MEI1: variants seen among roughly 807,000 people sequenced by gnomAD.
MEI1 encodes meiosis inhibitor protein 1.
In MEI1, 103 loss-of-function variants were observed where a neutral mutation model predicts 146.2. The ratio of observed to expected loss-of-function variants is 0.70; its 90% confidence interval spans 0.60 to 0.83. The LOEUF (loss-of-function observed/expected upper bound fraction) is 0.83, where lower values mean the gene tolerates loss of function less well. Ranked by LOEUF, MEI1 falls within the 40% of genes least tolerant of loss-of-function variation. The pLI is 0.00. For synonymous variants in MEI1, 652 were observed against 628.2 expected (o/e 1.04, Z -0.57); for missense variants, 1,529 against 1,533.0 (o/e 1.00, Z 0.04).
chr22:41,714,066 C>A lies in MEI1; in HGVS notation c.414C>A (p.Cys138Ter). 6.3e-7 allele frequency: 1 copy of A among 1,598,052 alleles called. No homozygotes were observed. The highest frequency in any genetic ancestry group is 8.5e-7 in the Non-Finnish European group (1 of 1,172,180). Residue 138 changes from cysteine (C) to a stop codon, truncating the protein, a stop_gained, in exon 4 of 31, where the codon TGC becomes TGA. Transcript: ENST00000401548. LOFTEE classifies it high-confidence loss of function. ...CTATCCGTTGCCTGCTGGATGAGTGCCACAAAGAGGTCAGAAAATAGCTAT... is the reference window on the plus strand; with the variant it reads ...CTATCCGTTGCCTGCTGGATGAGTGACACAAAGAGGTCAGAAAATAGCTAT... The part of the protein sequence containing the change: ...EQTIRCLLDE[C>*]HKELCNMPSM...
At position 41,729,527 on chromosome 22, in the gene MEI1, C is replaced by T. The variant is rs936629068; in HGVS notation, c.865-138C>T. The T allele has an allele frequency of 1.5e-5, 10 of 670,514 alleles. No individual in the cohort carries two copies. The South Asian group carries it at 1.7e-4, about 11-fold the overall frequency. The allele number at this position is 670,514 out of a possible 1,614,324, so 41.5% of individuals were successfully genotyped here. On this transcript the variant is annotated intron_variant, in intron 7 of 30. Coordinates refer to ENST00000401548, the MANE Select transcript of MEI1 (RefSeq NM_152513.4). The stretch of plus-strand genomic sequence containing the variant: ...CATAATCCATAACTGCTCTCCTGAC[C>T]ACCATCCTTGTGCCTGGTGCCATGT...
intron 13 of MEI1, 115 bp from the exon 14 acceptor site, chr22:41,745,768 TAG>T: frequency 1.0e-6 from 1 of 1,003,542 alleles, no homozygotes; most frequent in Non-Finnish European, 1.4e-6. Context: ...AGTCTGATAA[TAG>T]AGATACTTTC....
At chr22:41,729,834 C>G in intron 8 of MEI1, 55 bp downstream of exon 8, 1 of 1,190,264 alleles carries the variant, frequency 8.4e-7, no homozygotes, top group Non-Finnish European at 1.2e-6. Context: ...GGGGTGGTGA[C>G]AGGTTCAATT....
Position 41,699,558 on chromosome 22 carries a change from C to T in MEI1, c.20C>T (p.Ala7Val), listed in dbSNP as rs754116769. MAVRQA[A>V]TAGTPGPRRE... ...GAGGAGATGGCTGTGAGGCAGGCGG[C>T]GACGGCGGGCACTCCCGGGCCCAGG... The change falls in exon 1 of 31, where the codon GCG becomes GTG. Residue 7 changes from alanine (A) to valine (V), a missense_variant. Coordinates refer to ENST00000401548, the MANE Select transcript of MEI1 (RefSeq NM_152513.4). 3.1e-6 allele frequency: 5 copies of T among 1,611,476 alleles called. 1 individual carries two copies. In the South Asian group the frequency reaches 5.5e-5, roughly 18 times the overall value.
intron 18 of MEI1, chr22:41,759,332 A>G (rs762418225): frequency 6.6e-6 from 1 of 152,152 alleles, no homozygotes; most frequent in Non-Finnish European, 1.5e-5. Context: ...TGTCTCTACT[A>G]AAAATACAAA....
At chr22:41,796,870 C>T (rs999677652) in intron 30 of MEI1, among the ~76,000 whole-genome samples, 12 of 152,036 alleles carry the variant, frequency 7.9e-5, no homozygotes, top group Non-Finnish European at 2.9e-5. Flanking sequence ...TCGCTTGAAT[C>T]GGGGATGCGG....
intron 26 of MEI1, among the ~76,000 whole-genome samples, chr22:41,791,721 T>C (rs1248111944): frequency 6.6e-6 from 1 of 152,176 alleles, no homozygotes; most frequent in Non-Finnish European, 1.5e-5. Flanking sequence ...GCACTATTCA[T>C]AATGATGAAA....
Position 41,763,068 on chromosome 22 carries a change from A to T in MEI1, c.2121-106A>T, listed in dbSNP as rs713988. ...TAAGATGTCATTAGGCTGTGGGCAT[A>T]TTGGGGCAGGACAGTGGGCTGAGGA... On this transcript the variant is annotated intron_variant, in intron 18 of 30. Coordinates refer to ENST00000401548, the MANE Select transcript of MEI1 (RefSeq NM_152513.4). 658 of 1,261,118 alleles carry T rather than the reference A, an allele frequency of 5.2e-4. 1 individual carries two copies. Among genetic ancestry groups the T allele is most frequent in the Non-Finnish European group, 6.7e-4 (611 of 906,416 alleles). The allele number at this position is 1,261,118 out of a possible 1,614,324, so 78.1% of individuals were successfully genotyped here. A position where few individuals can be genotyped will look rare whatever the true frequency, so the allele number is the denominator to read the frequency against.
chr22:41,782,385 A>T (rs527945537), intron 24 of MEI1, among the ~76,000 whole-genome samples: 1 of 152,212 alleles, frequency 6.6e-6, no homozygotes, highest in Admixed American at 6.5e-5. Context: ...GTGGAATGCC[A>T]CACATGGTTA....
intron 27 of MEI1, 155 bp downstream of exon 27, chr22:41,794,065 T>C (rs946524897): frequency 4.2e-5 from 31 of 734,512 alleles, no homozygotes; most frequent in Non-Finnish European, 6.5e-5. Flanking sequence ...TCATGCCCAT[T>C]ATACAGATGG....
chr22:41,715,293 A>G (rs1175704388), intron 4 of MEI1, among the ~76,000 whole-genome samples: 2 of 152,172 alleles, frequency 1.3e-5, no homozygotes, highest in Non-Finnish European at 2.9e-5. Flanking sequence ...TCAATAGAAA[A>G]GGTAAAATAT....
chr22:41,781,583 T>G, intron 23 of MEI1, 102 bp from the exon 24 acceptor site: 2 of 1,258,124 alleles, frequency 1.6e-6, no homozygotes, highest in Non-Finnish European at 2.1e-6. Flanking sequence ...GATGATCCTC[T>G]GTTTGTTTGT....
rs545113121 is a variant in MEI1 at position 41,776,125 on chromosome 22, G to A, written c.2568G>A (p.Val856=). The part of the protein sequence containing the change: ...ILLDLIYSSP[V]DTAHKVLISL... The stretch of plus-strand genomic sequence containing the variant: ...AGGACCTCATCTATTCCAGCCCAGT[G>A]GACACAGCTCACAAGGTACTGATTA... The change falls in exon 21 of 31, where the codon GTG becomes GTA. Residue 856 remains valine (V), a synonymous_variant. Coordinates refer to ENST00000401548, the MANE Select transcript of MEI1 (RefSeq NM_152513.4). 13 of 1,613,916 alleles carry A rather than the reference G, an allele frequency of 8.1e-6. No individual in the cohort carries two copies. In the African/African-American group the frequency reaches 1.1e-4, roughly 13 times the overall value.
At chr22:41,781,495 T>C in intron 23 of MEI1, 101 bp downstream of exon 23, 5 of 1,184,224 alleles carry the variant, frequency 4.2e-6, no homozygotes, top group Non-Finnish European at 6.1e-6. Flanking sequence ...GTTGTGTGTG[T>C]GGCTGGTGGT....
chr22:41,720,597 A>AT (rs71184835), intron 6 of MEI1, among the ~76,000 whole-genome samples: 64,682 of 124,830 alleles, frequency 0.52, 18,661 homozygotes, highest in African/African-American at 0.77. Flanking sequence ...GCCTGGCTCA[A>AT]TTTTTTTTTT....
chr22:41,798,160 CACACACACACATA>C (rs2076433017), intron 30 of MEI1, among the ~76,000 whole-genome samples: 1 of 91,658 alleles, frequency 1.1e-5, no homozygotes, highest in African/African-American at 3.9e-5. Context: ...CACACACACA[CACACACACACATA>C]GTGTGTGTCT....
At chr22:41,752,159 A>C (rs1010795876) in intron 15 of MEI1, among the ~76,000 whole-genome samples, 4 of 152,206 alleles carry the variant, frequency 2.6e-5, no homozygotes, top group Non-Finnish European at 4.4e-5. Context: ...TGAGAATAAA[A>C]TAGTAACTAC....
chr22:41,707,689 A>G (rs1191884424), intron 3 of MEI1, among the ~76,000 whole-genome samples: 2 of 152,170 alleles, frequency 1.3e-5, no homozygotes, highest in African/African-American at 2.4e-5. Context: ...GAAGACTTAT[A>G]TGAATGGGAA....
At chr22:41,779,454 T>C (rs1393262192) in intron 22 of MEI1, among the ~76,000 whole-genome samples, 2 of 152,068 alleles carry the variant, frequency 1.3e-5, no homozygotes, top group Non-Finnish European at 2.9e-5. Context: ...ACCTCGTCCC[T>C]AAAACAAACA....
Sources: gnomAD v4.1 joint callset for allele counts (sites outside exome capture counted in the v4.1 genomes callset) on GRCh38, gnomAD v4.1.1 for gene constraint, MANE v1.5 for transcripts, NCBI Gene and HGNC (gene_info 2026-07-23, HGNC 2026-07-21) for gene names.